CELF2: variants seen among roughly 807,000 people sequenced by gnomAD.
The protein encoded by CELF2 is CUG triplet repeat RNA-binding protein 2.
A neutral mutation model predicts 62.6 loss-of-function variants in CELF2; 8 were observed. The observed-to-expected ratio is 0.13, with a 90% CI of 0.07 to 0.23. CELF2 has a LOEUF of 0.23. Ranked by LOEUF, CELF2 falls within the 10% of genes least tolerant of loss-of-function variation. The pLI, the probability that CELF2 is intolerant of heterozygous loss-of-function variation, is 1.00. For missense variants in CELF2, 333 were observed against 671.0 expected, an observed-to-expected ratio of 0.50 and a Z score of 5.56; for synonymous variants, 258 against 250.0, an observed-to-expected ratio of 1.03 and a Z score of -0.30.
In CELF2 at chr10:11,321,018, T is replaced by A; in HGVS notation, c.1097-171T>A. The stretch of plus-strand genomic sequence containing the variant: ...CATGGCTTAGGTCATTTTCCCCCAT[T>A]ATCACGATTTATTTCTTCATGGTTT... On this transcript the variant is annotated intron_variant, in intron 10 of 12. Transcript: ENST00000633077. The surrounding 1 kb of genome is among the most constrained non-coding windows in gnomAD (Gnocchi z 6.2). The A allele has an allele frequency of 7.5e-7, 1 of 1,335,832 alleles. No homozygotes were observed. Among genetic ancestry groups the A allele is most frequent in the Non-Finnish European group, 1.0e-6 (1 of 970,178 alleles). The allele number at this position is 1,335,832 out of a possible 1,614,324, so 82.7% of individuals were successfully genotyped here.
At position 11,331,108 on chromosome 10, in the gene CELF2, A is replaced by C. The variant is rs1261308238; in HGVS notation, c.*2055A>C. 6.6e-6 allele frequency: 1 copy of C among 152,550 alleles called. No individual in the cohort carries two copies. The allele number at this position is 152,550 out of a possible 1,614,324, so 9.4% of individuals were successfully genotyped here. On this transcript the variant is annotated 3_prime_UTR_variant, in exon 13 of 13. Transcript: ENST00000633077. ...CCTTTTGCTGAACTCACAGTTAGAC[A>C]ATCCATGGTTTAATGCACATGAAAT...
the CELF2 span, among the ~76,000 whole-genome samples, chr10:10,630,120 T>C: frequency 6.6e-6 from 1 of 152,302 alleles, no homozygotes; most frequent in Admixed American, 6.5e-5. Context: ...TTTCCCCGAA[T>C]GCTTCCTCTA....
the CELF2 span, among the ~76,000 whole-genome samples, chr10:10,715,710 C>T: frequency 2.6e-5 from 4 of 152,180 alleles, no homozygotes; most frequent in South Asian, 4.1e-4. Context: ...CCATCATTTT[C>T]CCAGAGACTA....
chr10:11,325,472 C>A (rs188698305), intron 11 of CELF2, among the ~76,000 whole-genome samples: 8 of 152,312 alleles, frequency 5.3e-5, no homozygotes, highest in Admixed American at 3.3e-4. Flanking sequence ...CCTGTCCGTA[C>A]CTGAGAAAAT....
chr10:10,773,878 C>G, the CELF2 span, among the ~76,000 whole-genome samples: 1 of 152,228 alleles, frequency 6.6e-6, no homozygotes, highest in Non-Finnish European at 1.5e-5. Flanking sequence ...GCGATAAACA[C>G]TGCTGCCTAG....
intron 2 of CELF2, among the ~76,000 whole-genome samples, chr10:10,950,184 T>G (rs906085798): frequency 1.3e-5 from 2 of 152,178 alleles, no homozygotes; most frequent in Non-Finnish European, 2.9e-5. Flanking sequence ...AAGTTTGCAC[T>G]GGGAAAGGGC....
chr10:11,121,317 G>A (rs2057695008), intron 1 of CELF2, among the ~76,000 whole-genome samples: 2 of 152,158 alleles, frequency 1.3e-5, no homozygotes, highest in Non-Finnish European at 2.9e-5. Flanking sequence ...TAAGATGCTG[G>A]AGTCTTTGTA....
intron 1 of CELF2, among the ~76,000 whole-genome samples, chr10:11,055,303 T>C (rs2064975859): frequency 2.0e-5 from 3 of 152,356 alleles, no homozygotes; most frequent in Middle Eastern, 3.4e-3. Context: ...CAAGTCCACA[T>C]TGATACCCAT....
At chr10:10,754,061 GT>G in the CELF2 span, among the ~76,000 whole-genome samples, 49,178 of 85,244 alleles carry the variant, frequency 0.58, 12,280 homozygotes, top group Non-Finnish European at 0.6. Context: ...TGCTGAGGTG[GT>G]TTTTTTTTTT....
At chr10:11,107,474 A>C (rs866110321) in intron 1 of CELF2, among the ~76,000 whole-genome samples, 1 of 152,222 alleles carries the variant, frequency 6.6e-6, no homozygotes, top group Non-Finnish European at 1.5e-5. Context: ...CCTACAGAAG[A>C]CTGGAGGAAT....
At chr10:10,711,978 G>C in the CELF2 span, among the ~76,000 whole-genome samples, 2 of 151,976 alleles carry the variant, frequency 1.3e-5, no homozygotes, top group African/African-American at 4.8e-5. Flanking sequence ...GTTTATGTCT[G>C]GATGTGCAAG....
chr10:11,163,272 T>C (rs1422874862), intron 1 of CELF2, among the ~76,000 whole-genome samples: 1 of 152,342 alleles, frequency 6.6e-6, no homozygotes, highest in Non-Finnish European at 1.5e-5. Context: ...TTTTTTGAAC[T>C]TCTGTTTTCT....
chr10:10,999,322 C>T (rs2054286061), intron 2 of CELF2, among the ~76,000 whole-genome samples: 1 of 152,154 alleles, frequency 6.6e-6, no homozygotes, highest in African/African-American at 2.4e-5. Context: ...GGAGAAGCTC[C>T]CTGTTTTCAT....
chr10:10,983,847 G>A lies in CELF2; in HGVS notation c.89+63848G>A, dbSNP rs927302632. ...CCCAAAGTGCTGGGATTACAGGCAT[G>A]AGCTACCACGCCTGGCCGATATATC... On this transcript the variant is annotated intron_variant, in intron 2 of 13. Transcript: ENST00000636488. The surrounding 1 kb of genome is among the most constrained non-coding windows in gnomAD (Gnocchi z 5.2). Among the ~76,000 whole-genome samples, 3 of 152,160 alleles carry A rather than the reference G, an allele frequency of 2.0e-5. No homozygotes were observed. The highest frequency in any genetic ancestry group is 4.8e-5 in the African/African-American group (2 of 41,436).
chr10:11,006,625 C>A (rs958675206), intron 1 of CELF2, among the ~76,000 whole-genome samples: 1 of 152,186 alleles, frequency 6.6e-6, no homozygotes, highest in African/African-American at 2.4e-5. Flanking sequence ...TTGATGTTTA[C>A]GTAAATTACA....
the CELF2 span, among the ~76,000 whole-genome samples, chr10:10,774,892 T>A: frequency 0.075 from 11,360 of 151,714 alleles, 467 homozygotes; most frequent in African/African-American, 0.094. Flanking sequence ...TATTTTTTTT[T>A]TTTTGAGTCA....
At chr10:10,650,579 A>C in the CELF2 span, among the ~76,000 whole-genome samples, 1 of 152,216 alleles carries the variant, frequency 6.6e-6, no homozygotes, top group Non-Finnish European at 1.5e-5. Context: ...TTTTTCACAA[A>C]ATGAAATAGT....
intron 1 of CELF2, among the ~76,000 whole-genome samples, chr10:11,045,645 A>G (rs185577898): frequency 6.0e-4 from 91 of 152,364 alleles, no homozygotes; most frequent in African/African-American, 2.1e-3. Context: ...GGAGGCTGGA[A>G]TGACTCTCAG....
At chr10:10,562,814 C>T in the CELF2 span, among the ~76,000 whole-genome samples, 25 of 148,414 alleles carry the variant, frequency 1.7e-4, no homozygotes, top group African/African-American at 5.9e-4. Context: ...AGCCTACCTC[C>T]CTGCCCTCCA....
Sources: allele counts gnomAD v4.1 joint callset (sites outside exome capture counted in the v4.1 genomes callset), GRCh38; gene constraint gnomAD v4.1.1; non-coding constraint Gnocchi (gnomAD v3.1); transcripts MANE v1.5; gene names NCBI Gene and HGNC (gene_info 2026-07-23, HGNC 2026-07-21).